The following VIRMA variants were observed in gnomAD, a reference collection of about 807,000 sequenced individuals.
The protein encoded by VIRMA is protein virilizer homolog.
VIRMA carries 65 observed loss-of-function variants against 182.4 expected under a neutral mutation model. That is an observed-to-expected ratio of 0.36 (90% CI 0.29 to 0.44). The LOEUF is 0.44. Among genes scored for constraint, VIRMA ranks in the 20% least tolerant of loss-of-function variants. The pLI, the probability that VIRMA is intolerant of heterozygous loss-of-function variation, is 1.00. For synonymous variants in VIRMA, 709 were observed against 743.1 expected (o/e 0.95, Z 0.75); for missense variants, 1,752 against 2,158.1 (o/e 0.81, Z 3.73).
chr8:94,512,943 C>T (rs1398575564), intron 11 of VIRMA, among the ~76,000 whole-genome samples: 1 of 152,170 alleles, frequency 6.6e-6, no homozygotes, highest in Non-Finnish European at 1.5e-5. Context: ...AAAACAAATA[C>T]AATTGCCTAT....
intron 2 of VIRMA, among the ~76,000 whole-genome samples, chr8:94,540,352 A>C (rs1815494724): frequency 6.6e-6 from 1 of 152,168 alleles, no homozygotes; most frequent in African/African-American, 2.4e-5. Context: ...ATAAAACACT[A>C]AAAAGTAACA....
chr8:94,488,526 C>T lies in VIRMA; in HGVS notation c.*180G>A, dbSNP rs1586055859. The T allele has an allele frequency of 1.9e-6, 1 of 517,714 alleles. No homozygotes were observed. Among genetic ancestry groups the T allele is most frequent in the Non-Finnish European group, 3.3e-6 (1 of 301,502 alleles). 32.1% of individuals were successfully genotyped at this position (517,714 alleles called of 1,614,324 possible). A position where few individuals can be genotyped will look rare whatever the true frequency, so the allele number is the denominator to read the frequency against. ...GGGAAAATATATACAAACGTACATA[C>T]AAAGTTTGGATTTTTATTGAAATCT... On this transcript the variant is annotated 3_prime_UTR_variant, in exon 24 of 24. Coordinates refer to ENST00000297591, the MANE Select transcript of VIRMA (RefSeq NM_015496.5).
At chr8:94,505,634 C>T (rs984164237) in intron 16 of VIRMA, among the ~76,000 whole-genome samples, 33 of 152,140 alleles carry the variant, frequency 2.2e-4, no homozygotes, top group African/African-American at 5.3e-4. Context: ...AGGTGTGTGC[C>T]ATCATGCCCA....
intron 8 of VIRMA, among the ~76,000 whole-genome samples, chr8:94,525,817 G>A (rs985217887): frequency 6.6e-6 from 1 of 152,182 alleles, no homozygotes; most frequent in Non-Finnish European, 1.5e-5. Context: ...GTAAAATTAA[G>A]CTAGTAAAAT....
At chr8:94,553,326 T>C (rs1816073510) in intron 1 of VIRMA, 59 bp downstream of exon 1, 1 of 1,545,986 alleles carries the variant, frequency 6.5e-7, no homozygotes. Context: ...CGCCTAACGG[T>C]TTTTTTGTAA....
intron 6 of VIRMA, 135 bp downstream of exon 6, chr8:94,530,828 C>T: frequency 2.4e-6 from 2 of 842,344 alleles, no homozygotes; most frequent in Non-Finnish European, 3.5e-6. Context: ...GAGAGGATCA[C>T]TTAAGCCCAG....
chr8:94,513,437 A>G (rs1814446231), intron 11 of VIRMA, among the ~76,000 whole-genome samples: 1 of 151,732 alleles, frequency 6.6e-6, no homozygotes, highest in East Asian at 1.9e-4. Flanking sequence ...AAAAAAAAAA[A>G]AAAAAAAAGT....
Position 94,511,677 on chromosome 8 carries a change from A to C in VIRMA, c.2898T>G (p.Ala966=). 1 of 1,614,040 alleles carries C rather than the reference A, an allele frequency of 6.2e-7. No homozygotes were observed. Among genetic ancestry groups the C allele is most frequent in the Non-Finnish European group, 8.5e-7 (1 of 1,179,930 alleles). Residue 966 remains alanine (A), a synonymous_variant, in exon 13 of 24, where the codon GCT becomes GCG. Transcript: ENST00000297591. ...CTCGAATAAACGTGTCCATTCCTTCAGCAGAAAAAAGCTGAATAACGGCAA... is the reference window on the plus strand; with the variant it reads ...CTCGAATAAACGTGTCCATTCCTTCCGCAGAAAAAAGCTGAATAACGGCAA... ...WNLAVIQLFS[A]EGMDTFIRVL... is the part of the protein sequence containing the mutation.
chr8:94,494,480 T>C (rs1813702106), intron 20 of VIRMA, among the ~76,000 whole-genome samples: 1 of 150,008 alleles, frequency 6.7e-6, no homozygotes, highest in African/African-American at 2.5e-5. Flanking sequence ...TAATCCCAGC[T>C]ACTCAGGAGG....
chr8:94,537,693 A>C (rs1815388931), intron 3 of VIRMA, among the ~76,000 whole-genome samples: 1 of 152,170 alleles, frequency 6.6e-6, no homozygotes, highest in Non-Finnish European at 1.5e-5. Context: ...CTCATTTTTA[A>C]GCTGCCTTTA....
chr8:94,519,503 C>T (rs1814685705), intron 8 of VIRMA, 27 bp from the exon 9 acceptor site: 1 of 1,515,528 alleles, frequency 6.6e-7, no homozygotes, highest in Non-Finnish European at 8.8e-7. Context: ...TGATACATGT[C>T]AAGTCAGTGC....
At position 94,529,183 on chromosome 8, in the gene VIRMA, T is replaced by C. The variant is rs1339283210; in HGVS notation, c.767A>G (p.Asp256Gly). The C allele has an allele frequency of 7.0e-7, 1 of 1,435,686 alleles. No individual in the cohort carries two copies. The highest frequency in any genetic ancestry group is 1.1e-5 in the South Asian group (1 of 87,272). The allele number at this position is 1,435,686 out of a possible 1,614,324, so 88.9% of individuals were successfully genotyped here. The stretch of plus-strand genomic sequence containing the variant: ...ATCCTCATCCTCTTCTTCCTCTACA[T>C]CCACATCATCTTCATCTTCTTCTCC... Reference protein sequence around the residue: ...EEGEEDEDDVDVEEEEDEDED... With the variant: ...EEGEEDEDDVGVEEEEDEDED... Residue 256 changes from aspartate (D) to glycine (G), a missense_variant, in exon 7 of 24, where the codon GAT becomes GGT. Coordinates refer to ENST00000297591, the MANE Select transcript of VIRMA (RefSeq NM_015496.5).
chr8:94,536,502 A>C (rs1815347693), intron 4 of VIRMA, among the ~76,000 whole-genome samples: 1 of 152,266 alleles, frequency 6.6e-6, no homozygotes, highest in Admixed American at 6.5e-5. Context: ...AGTAGTGTCT[A>C]ATAACAATTT....
chr8:94,491,549 C>T lies in VIRMA; in HGVS notation c.5140+29G>A, dbSNP rs941043274. On this transcript the variant is annotated intron_variant, in intron 22 of 23. Transcript: ENST00000297591. ...TATTTTAACATTCCAATATTCTAAC[C>T]CATTAGAAAATACATACTAATTAGT... The T allele has an allele frequency of 2.0e-6, 3 of 1,509,530 alleles. No homozygotes were observed. The Admixed American group carries it at 5.2e-5, about 26-fold the overall frequency. 93.5% of individuals were successfully genotyped at this position (1,509,530 alleles called of 1,614,324 possible). A position where few individuals can be genotyped will look rare whatever the true frequency, so the allele number is the denominator to read the frequency against.
At chr8:94,509,254 AG>A (rs1814268598) in intron 15 of VIRMA, among the ~76,000 whole-genome samples, 1 of 152,118 alleles carries the variant, frequency 6.6e-6, no homozygotes, top group Non-Finnish European at 1.5e-5. Context: ...TACAAAAATT[AG>A]CCAGGTGTGG....
In VIRMA at chr8:94,519,489, T is replaced by G. The variant is rs770691251; in HGVS notation, c.2022-13A>C. On this transcript the variant is annotated splice_polypyrimidine_tract_variant and intron_variant, in intron 8 of 23. Transcript: ENST00000297591. Reference sequence around the variant, plus strand: ...ACTGTGAAGATATCTGTGGAAGAGTTAATTGATACATGTCAAGTCAGTGCA... The same window carrying G: ...ACTGTGAAGATATCTGTGGAAGAGTGAATTGATACATGTCAAGTCAGTGCA... The G allele has an allele frequency of 6.6e-7, 1 of 1,519,190 alleles. No homozygotes were observed. The highest frequency in any genetic ancestry group is 2.3e-5 in the Admixed American group (1 of 43,498). 94.1% of individuals were successfully genotyped at this position (1,519,190 alleles called of 1,614,324 possible).
Position 94,546,822 on chromosome 8 carries a change from G to A in VIRMA, c.64-2880C>T, listed in dbSNP as rs533530232. On this transcript the variant is annotated intron_variant, in intron 1 of 23. Transcript: ENST00000297591. ...CAACACATTCTCCTACTGAAGTATGGTCTTTCTAAACTATAAATGTACCAC... is the reference window on the plus strand; with the variant it reads ...CAACACATTCTCCTACTGAAGTATGATCTTTCTAAACTATAAATGTACCAC... 3.1e-3 allele frequency: 1,277 copies of A among 417,308 alleles called. 26 individuals are homozygous for A. Among genetic ancestry groups the A allele is most frequent in the South Asian group, 0.022 (1,242 of 57,508 alleles). The allele number at this position is 417,308 out of a possible 1,614,324, so 25.9% of individuals were successfully genotyped here. A position where few individuals can be genotyped will look rare whatever the true frequency, so the allele number is the denominator to read the frequency against.
intron 5 of VIRMA, among the ~76,000 whole-genome samples, chr8:94,532,606 A>G (rs778959071): frequency 2.8e-4 from 43 of 152,232 alleles, no homozygotes; most frequent in Non-Finnish European, 5.0e-4. Flanking sequence ...GGGAGGCTAA[A>G]GAGTGCACAG....
At chr8:94,507,137 CTT>C (rs202183757) in intron 15 of VIRMA, among the ~76,000 whole-genome samples, 90 of 133,128 alleles carry the variant, frequency 6.8e-4, no homozygotes, top group East Asian at 2.9e-3. Context: ...TAAAGTTTTT[CTT>C]TTTTTTTTTT....
Sources: allele counts gnomAD v4.1 joint callset (sites outside exome capture counted in the v4.1 genomes callset), GRCh38; gene constraint gnomAD v4.1.1; transcripts MANE v1.5; gene names NCBI Gene and HGNC (gene_info 2026-07-23, HGNC 2026-07-21).